The following CNTN4 variants were observed in gnomAD, a reference collection of about 807,000 sequenced individuals.
The protein encoded by CNTN4 is contactin-4.
In CNTN4, 77 loss-of-function variants were observed where a neutral mutation model predicts 122.5. The observed-to-expected ratio is 0.63, with a 90% CI of 0.52 to 0.76. The LOEUF is 0.76. Among genes scored for constraint, CNTN4 ranks in the 30% least tolerant of loss-of-function variants. The pLI, the probability that CNTN4 is intolerant of heterozygous loss-of-function variation, is 0.00. For synonymous variants in CNTN4, 512 were observed against 447.0 expected, an observed-to-expected ratio of 1.15 and a Z score of -1.83; for missense variants, 1,256 against 1,259.1, an observed-to-expected ratio of 1.00 and a Z score of 0.04.
chr3:2,171,488 T>C (rs2036509921), intron 2 of CNTN4, among the ~76,000 whole-genome samples: 2 of 152,196 alleles, frequency 1.3e-5, no homozygotes. Context: ...TTTAACTTTA[T>C]TTTTATATAT....
intron 13 of CNTN4, among the ~76,000 whole-genome samples, chr3:2,981,322 T>G (rs1180535410): frequency 6.6e-6 from 1 of 151,750 alleles, no homozygotes; most frequent in Non-Finnish European, 1.5e-5. Context: ...CGGGCGCCTG[T>G]AGTCCCAGCT....
intron 2 of CNTN4, among the ~76,000 whole-genome samples, chr3:2,265,396 T>C (rs769220742): frequency 2.6e-5 from 4 of 152,156 alleles, no homozygotes; most frequent in Non-Finnish European, 5.9e-5. Flanking sequence ...TTCTCAGTTC[T>C]CTGTTTTGTT....
intron 7 of CNTN4, among the ~76,000 whole-genome samples, chr3:2,845,067 A>C (rs2093431202): frequency 6.6e-6 from 1 of 152,224 alleles, no homozygotes; most frequent in Non-Finnish European, 1.5e-5. Context: ...TGAAATAAAA[A>C]TTCAAAAGGC....
intron 2 of CNTN4, among the ~76,000 whole-genome samples, chr3:2,121,098 T>TC (rs2033752046): frequency 6.7e-6 from 1 of 150,270 alleles, no homozygotes; most frequent in Non-Finnish European, 1.5e-5. Context: ...CTTCCCTCCC[T>TC]TCTTCCTTCC....
intron 3 of CNTN4, among the ~76,000 whole-genome samples, chr3:2,465,864 T>C (rs1293238931): frequency 6.6e-6 from 1 of 152,202 alleles, no homozygotes; most frequent in Non-Finnish European, 1.5e-5. Context: ...TTTACTGAGA[T>C]AATTTACATA....
At chr3:2,329,656 T>C (rs1210109598) in intron 2 of CNTN4, among the ~76,000 whole-genome samples, 1 of 152,118 alleles carries the variant, frequency 6.6e-6, no homozygotes, top group Non-Finnish European at 1.5e-5. Context: ...CAGTGATAAC[T>C]GGGGAAAGTT....
chr3:2,265,641 A>G (rs769860440), intron 2 of CNTN4, among the ~76,000 whole-genome samples: 14 of 152,078 alleles, frequency 9.2e-5, no homozygotes, highest in African/African-American at 2.2e-4. Flanking sequence ...CAATCAGTCT[A>G]TAGATTGCTT....
intron 4 of CNTN4, among the ~76,000 whole-genome samples, chr3:2,659,460 CAAAAAAAAAAAAAA>C (rs59025670): frequency 1.9e-5 from 1 of 53,980 alleles, no homozygotes; most frequent in East Asian, 6.5e-4. Flanking sequence ...GACTCCATCT[CAAAAAAAAAAAAAA>C]AAAAAAAAGA....
intron 4 of CNTN4, among the ~76,000 whole-genome samples, chr3:2,594,710 G>A (rs889569101): frequency 5.3e-5 from 8 of 152,088 alleles, no homozygotes; most frequent in African/African-American, 9.7e-5. Context: ...ATGAGCCACC[G>A]CACTGGCCAA....
chr3:2,416,955 A>G (rs2047440161), intron 3 of CNTN4, among the ~76,000 whole-genome samples: 1 of 152,128 alleles, frequency 6.6e-6, no homozygotes, highest in South Asian at 2.1e-4. Context: ...CGCCCGGCCC[A>G]GTGTCGCAAC....
intron 3 of CNTN4, among the ~76,000 whole-genome samples, chr3:2,375,563 G>C (rs927173621): frequency 6.6e-5 from 10 of 152,142 alleles, no homozygotes; most frequent in Non-Finnish European, 1.5e-4. Flanking sequence ...AATGGAGGAG[G>C]CAGGTGATTG....
chr3:3,031,184 C>T (rs570898502), intron 16 of CNTN4, among the ~76,000 whole-genome samples: 1 of 152,286 alleles, frequency 6.6e-6, no homozygotes, highest in African/African-American at 2.4e-5. Context: ...CGAACACATC[C>T]AGTAACTTTA....
intron 6 of CNTN4, among the ~76,000 whole-genome samples, chr3:2,774,425 T>G (rs1367767473): frequency 6.6e-6 from 1 of 152,146 alleles, no homozygotes; most frequent in Non-Finnish European, 1.5e-5. Context: ...GGTATCTCAC[T>G]TATCTCCTCT....
intron 24 of CNTN4, among the ~76,000 whole-genome samples, chr3:3,054,846 T>C (rs1280880293): frequency 6.6e-6 from 1 of 152,176 alleles, no homozygotes; most frequent in African/African-American, 2.4e-5. Flanking sequence ...AATTTTGTTA[T>C]GTGTATTTTA....
intron 3 of CNTN4, among the ~76,000 whole-genome samples, chr3:2,568,341 C>A (rs2728053): frequency 0.41 from 46,985 of 115,280 alleles, 8,629 homozygotes; most frequent in South Asian, 0.49. Context: ...AAAAAAAAAA[C>A]CACCCTGTAC....
chr3:3,037,500 C>A, intron 18 of CNTN4, 172 bp downstream of exon 18: 1 of 840,638 alleles, frequency 1.2e-6, no homozygotes, highest in South Asian at 1.4e-5. Context: ...GCTGAACACG[C>A]AACGGGTTTC....
intron 13 of CNTN4, among the ~76,000 whole-genome samples, chr3:2,959,149 T>C (rs1001110900): frequency 6.6e-6 from 1 of 152,202 alleles, no homozygotes; most frequent in South Asian, 2.1e-4. Context: ...AAACTATTCC[T>C]TTGGGCAAGG....
intron 2 of CNTN4, among the ~76,000 whole-genome samples, chr3:2,211,377 A>G (rs2038608609): frequency 6.6e-6 from 1 of 152,058 alleles, no homozygotes; most frequent in African/African-American, 2.4e-5. Context: ...AATCTAAACT[A>G]TATGGCAGCA....
In CNTN4 at chr3:2,988,529, T is replaced by C; in HGVS notation, c.1486+57T>C. ...ATATATGTGTCCTCGTGTCTAATAATGTAATCTACCGAAGTGGCATCATTC... is the reference window on the plus strand; with the variant it reads ...ATATATGTGTCCTCGTGTCTAATAACGTAATCTACCGAAGTGGCATCATTC... On this transcript the variant is annotated intron_variant, in intron 14 of 24. Coordinates refer to ENST00000418658, the MANE Select transcript of CNTN4 (RefSeq NM_175607.3). 24 of 1,585,150 alleles carry C rather than the reference T, an allele frequency of 1.5e-5. No individual in the cohort carries two copies. The South Asian group carries it at 2.7e-4, about 18-fold the overall frequency.
Sources: allele counts gnomAD v4.1 joint callset (sites outside exome capture counted in the v4.1 genomes callset), GRCh38; gene constraint gnomAD v4.1.1; transcripts MANE v1.5; gene names NCBI Gene and HGNC (gene_info 2026-07-23, HGNC 2026-07-21).